PLXNC1: variants seen among roughly 807,000 people sequenced by gnomAD.
The protein encoded by PLXNC1 is plexin-C1.
Under a neutral mutation model 178.2 loss-of-function variants are expected in PLXNC1, and 75 were observed. The ratio of observed to expected loss-of-function variants is 0.42; its 90% CI spans 0.35 to 0.51. The LOEUF (loss-of-function observed/expected upper bound fraction) is 0.51. PLXNC1 is among the 20% of genes least tolerant of loss of function. The pLI is 0.02. For missense variants in PLXNC1, 1,503 were observed against 1,984.4 expected (o/e 0.76, Z 4.61); for synonymous variants, 790 against 779.9 (o/e 1.01, Z -0.22).
chr12:94,266,880 G>A lies in PLXNC1; in HGVS notation c.3597+1655G>A, dbSNP rs1295686085. ...CATTGAACCCTTGTTTAAAATGCAG[G>A]TGCAAATATACCAGTGCCCGGGCTT... On this transcript the variant is annotated intron_variant, in intron 21 of 30. Coordinates refer to ENST00000258526, the MANE Select transcript of PLXNC1 (RefSeq NM_005761.3). Among the ~76,000 whole-genome samples, 5 of 152,310 alleles carry A rather than the reference G, an allele frequency of 3.3e-5. No individual in the cohort carries two copies. In the South Asian group the frequency reaches 6.2e-4, roughly 19 times the overall value.
At chr12:94,257,213 C>T (rs1464694223) in intron 17 of PLXNC1, among the ~76,000 whole-genome samples, 2 of 152,078 alleles carry the variant, frequency 1.3e-5, no homozygotes, top group Non-Finnish European at 1.5e-5. Context: ...ATCCTCTAGG[C>T]CTGGAGGTTG....
intron 1 of PLXNC1, among the ~76,000 whole-genome samples, chr12:94,166,105 G>A (rs1030445326): frequency 6.6e-6 from 1 of 152,010 alleles, no homozygotes; most frequent in Admixed American, 6.5e-5. Context: ...ACCAGGCTTG[G>A]GTTCATTGCT....
chr12:94,288,734 G>C (rs1203958607), intron 23 of PLXNC1, among the ~76,000 whole-genome samples: 1 of 152,232 alleles, frequency 6.6e-6, no homozygotes, highest in Non-Finnish European at 1.5e-5. Context: ...TGGGGCATCA[G>C]TGAGAAGAGC....
Position 94,242,469 on chromosome 12 carries a change from A to T in PLXNC1, c.2301-1469A>T, listed in dbSNP as rs1964417488. ...GATAATCTCCCCTTTTTATAAGGACATCGGTCATGTTGGATTAGGGCCCAC... is the reference window on the plus strand; with the variant it reads ...GATAATCTCCCCTTTTTATAAGGACTTCGGTCATGTTGGATTAGGGCCCAC... On this transcript the variant is annotated intron_variant, in intron 11 of 30. Transcript: ENST00000258526. Among the ~76,000 whole-genome samples the T allele has an allele frequency of 4.6e-5, 7 of 151,946 alleles. No individual in the cohort carries two copies. The South Asian group carries it at 1.5e-3, about 32-fold the overall frequency.
intron 24 of PLXNC1, among the ~76,000 whole-genome samples, chr12:94,295,511 T>G (rs73368583): frequency 3.9e-5 from 6 of 152,236 alleles, no homozygotes; most frequent in African/African-American, 1.4e-4. Context: ...TAGGTTTGGA[T>G]CTCTTCGTGG....
Position 94,217,465 on chromosome 12 carries a change from C to G in PLXNC1, c.1555-2551C>G, listed in dbSNP as rs1032177678. Reference sequence around the variant, plus strand: ...CCTTTATCCCCACCCCAGATTGATCCTCTGAGCTCCAGGCCCATACCCAAC... The same window carrying G: ...CCTTTATCCCCACCCCAGATTGATCGTCTGAGCTCCAGGCCCATACCCAAC... On this transcript the variant is annotated intron_variant, in intron 5 of 30. Coordinates refer to ENST00000258526, the MANE Select transcript of PLXNC1 (RefSeq NM_005761.3). Among the ~76,000 whole-genome samples, 7 of 152,308 alleles carry G rather than the reference C, an allele frequency of 4.6e-5. 1 individual carries two copies. In the South Asian group the frequency reaches 1.4e-3, roughly 32 times the overall value.
chr12:94,253,836 T>C (rs1964768036), intron 15 of PLXNC1, among the ~76,000 whole-genome samples: 1 of 151,904 alleles, frequency 6.6e-6, no homozygotes, highest in Non-Finnish European at 1.5e-5. Flanking sequence ...ATCGCACCCA[T>C]CTAATTTTCT....
chr12:94,295,564 C>T (rs1592986106), intron 24 of PLXNC1, among the ~76,000 whole-genome samples: 1 of 152,258 alleles, frequency 6.6e-6, no homozygotes, highest in African/African-American at 2.4e-5. Context: ...CCATTCACTG[C>T]AACTGAGAGC....
intron 23 of PLXNC1, among the ~76,000 whole-genome samples, chr12:94,292,193 A>C (rs1328602016): frequency 6.6e-6 from 1 of 152,226 alleles, no homozygotes; most frequent in African/African-American, 2.4e-5. Flanking sequence ...ATCTAGACAC[A>C]GTACATACTG....
intron 9 of PLXNC1, among the ~76,000 whole-genome samples, chr12:94,236,646 G>C (rs1162164684): frequency 6.9e-6 from 1 of 145,248 alleles, no homozygotes; most frequent in African/African-American, 2.8e-5. Flanking sequence ...GATGGTAGAG[G>C]ATATAGGGGA....
chr12:94,189,041 C>T (rs1962626073), intron 4 of PLXNC1, among the ~76,000 whole-genome samples: 1 of 152,168 alleles, frequency 6.6e-6, no homozygotes, highest in African/African-American at 2.4e-5. Context: ...CGAGCGGTTG[C>T]CAGGAAGCAT....
chr12:94,179,515 C>T (rs1402435535), intron 2 of PLXNC1, among the ~76,000 whole-genome samples: 13 of 152,142 alleles, frequency 8.5e-5, no homozygotes, highest in African/African-American at 2.4e-4. Flanking sequence ...CAGAGGCGAG[C>T]GGATCACCTC....
intron 12 of PLXNC1, among the ~76,000 whole-genome samples, chr12:94,247,498 G>A (rs892219483): frequency 3.9e-5 from 6 of 152,078 alleles, no homozygotes; most frequent in African/African-American, 1.2e-4. Context: ...TGGTTTCCCA[G>A]GGCTCAGACA....
At chr12:94,205,127 T>C (rs1236892105) in intron 4 of PLXNC1, among the ~76,000 whole-genome samples, 2 of 152,200 alleles carry the variant, frequency 1.3e-5, no homozygotes, top group Non-Finnish European at 2.9e-5. Flanking sequence ...CAGAGTTGGC[T>C]TCTCAAGGTC....
In PLXNC1 at chr12:94,282,419, C is replaced by T. The variant is rs766773960; in HGVS notation, c.3879+18C>T. ...ACTATGAGGTAAGAGCAAGACTTGACCCCGTGTCTCCTTCCTCATCCCCAA... is the reference window on the plus strand; with the variant it reads ...ACTATGAGGTAAGAGCAAGACTTGATCCCGTGTCTCCTTCCTCATCCCCAA... On this transcript the variant is annotated intron_variant, in intron 23 of 30. Coordinates refer to ENST00000258526, the MANE Select transcript of PLXNC1 (RefSeq NM_005761.3). 5.1e-5 allele frequency: 75 copies of T among 1,478,640 alleles called. No homozygotes were observed. In the East Asian group the frequency reaches 1.7e-3, roughly 33 times the overall value. 91.6% of individuals were successfully genotyped at this position (1,478,640 alleles called of 1,614,324 possible). A position where few individuals can be genotyped will look rare whatever the true frequency, so the allele number is the denominator to read the frequency against.
chr12:94,151,885 G>A (rs1227680615), intron 1 of PLXNC1, among the ~76,000 whole-genome samples: 3 of 152,306 alleles, frequency 2.0e-5, no homozygotes, highest in East Asian at 3.9e-4. Context: ...TGCTTGTGCC[G>A]GGATGGGGAG....
chr12:94,274,155 T>TAAAAAAAAAAAAAAA (rs3060881), intron 21 of PLXNC1, among the ~76,000 whole-genome samples: 19 of 45,370 alleles, frequency 4.2e-4, no homozygotes, highest in African/African-American at 1.8e-3. Flanking sequence ...ACCCTGTCTC[T>TAAAAAAAAAAAAAAA]AAAAAAAAAA....
chr12:94,295,756 C>T (rs966370646), intron 24 of PLXNC1, among the ~76,000 whole-genome samples: 4 of 152,068 alleles, frequency 2.6e-5, no homozygotes, highest in African/African-American at 9.7e-5. Context: ...TTCATGGTAC[C>T]CAACTTGACC....
intron 4 of PLXNC1, among the ~76,000 whole-genome samples, chr12:94,199,110 G>A (rs563657998): frequency 6.6e-6 from 1 of 152,218 alleles, no homozygotes; most frequent in Non-Finnish European, 1.5e-5. Context: ...TTAAACGGGA[G>A]CCCTGGAAGG....
Sources: gnomAD v4.1 joint callset for allele counts (sites outside exome capture counted in the v4.1 genomes callset) on GRCh38, gnomAD v4.1.1 for gene constraint, MANE v1.5 for transcripts, NCBI Gene and HGNC (gene_info 2026-07-23, HGNC 2026-07-21) for gene names.